The following ZFP82 variants were observed in gnomAD, a reference collection of about 807,000 sequenced individuals.
The protein encoded by ZFP82 is ZFP82 zinc finger protein, also known as zinc finger protein 82 homolog.
A neutral mutation model predicts 54.0 loss-of-function variants in ZFP82; 30 were observed. The ratio of observed to expected loss-of-function variants is 0.56; its 90% CI spans 0.42 to 0.75. The LOEUF (loss-of-function observed/expected upper bound fraction) is 0.75, where lower values mean the gene tolerates loss of function less well. ZFP82 is among the 30% of genes least tolerant of loss of function. The pLI is 0.00. For synonymous variants in ZFP82, 194 were observed against 209.5 expected (o/e 0.93, Z 0.64); for missense variants, 500 against 636.8 (o/e 0.79, Z 2.31).
rs1269367107 is a variant in ZFP82, at chr19:36,390,625, T to C, written c.*2116A>G. The C allele has an allele frequency of 6.6e-6, 1 of 152,202 alleles. No homozygotes were observed. The highest frequency in any genetic ancestry group is 1.9e-4 in the East Asian group (1 of 5,192). The allele number at this position is 152,202 out of a possible 1,614,324, so 9.4% of individuals were successfully genotyped here. A position where few individuals can be genotyped will look rare whatever the true frequency, so the allele number is the denominator to read the frequency against. Reference sequence around the variant, plus strand: ...AATATAGATTAGTGTCCTGTCATTCTGCTCCATGCATTATAAGCTTCCTAT... The same window carrying C: ...AATATAGATTAGTGTCCTGTCATTCCGCTCCATGCATTATAAGCTTCCTAT... On this transcript the variant is annotated 3_prime_UTR_variant, in exon 5 of 5. Transcript: ENST00000392161.
intron 4 of ZFP82, among the ~76,000 whole-genome samples, chr19:36,403,375 G>A (rs1316731042): frequency 1.7e-5 from 1 of 57,272 alleles, no homozygotes; most frequent in East Asian, 4.3e-4. Flanking sequence ...TGTAATCCCA[G>A]CACCTTGGGA....
downstream of ZFP82, chr19:36,384,009 A>T (rs1396438168): frequency 6.6e-6 from 1 of 152,202 alleles, no homozygotes; most frequent in Non-Finnish European, 1.5e-5. Context: ...TAAGGAAAAC[A>T]TATTTCACTG....
At chr19:36,385,777 A>G (rs1010649705), downstream of ZFP82, among the ~76,000 whole-genome samples, 17 of 152,222 alleles carry the variant, frequency 1.1e-4, no homozygotes, top group Admixed American at 1.3e-4. Flanking sequence ...ATTTGTGTCC[A>G]TGCCTTGGGC....
At chr19:36,404,589 T>TA (rs2032448323) in intron 4 of ZFP82, among the ~76,000 whole-genome samples, 1 of 152,348 alleles carries the variant, frequency 6.6e-6, no homozygotes, top group Non-Finnish European at 1.5e-5. Context: ...ATTTAAATGT[T>TA]AAATCTCTAC....
At chr19:36,412,300 A>G (rs2032595170) in intron 1 of ZFP82, among the ~76,000 whole-genome samples, 1 of 152,224 alleles carries the variant, frequency 6.6e-6, no homozygotes, top group African/African-American at 2.4e-5. Flanking sequence ...CATTTATTTC[A>G]TAATTCTACA....
chr19:36,390,924 A>T lies in ZFP82; in HGVS notation c.*1817T>A, dbSNP rs1416400862. The T allele has an allele frequency of 6.6e-6, 1 of 152,076 alleles. No homozygotes were observed. Among genetic ancestry groups the T allele is most frequent in the Non-Finnish European group, 1.5e-5 (1 of 68,206 alleles). The allele number at this position is 152,076 out of a possible 1,614,324, so 9.4% of individuals were successfully genotyped here. A position where few individuals can be genotyped will look rare whatever the true frequency, so the allele number is the denominator to read the frequency against. ...GCTGGGACTACAGGCGCCTGCCACCACGCCCGGCGAATTTTTTGTATTTTT... is the reference window on the plus strand; with the variant it reads ...GCTGGGACTACAGGCGCCTGCCACCTCGCCCGGCGAATTTTTTGTATTTTT... On this transcript the variant is annotated 3_prime_UTR_variant, in exon 5 of 5. Transcript: ENST00000392161.
At chr19:36,386,755 G>A (rs556061783), downstream of ZFP82, among the ~76,000 whole-genome samples, 6 of 152,276 alleles carry the variant, frequency 3.9e-5, no homozygotes, top group African/African-American at 1.4e-4. Context: ...TGGCCAACAT[G>A]GTGAAACCCC....
Position 36,393,621 on chromosome 19 carries a change from T to A in ZFP82, c.719A>T (p.Asp240Val). The A allele has an allele frequency of 6.2e-7, 1 of 1,613,960 alleles. No homozygotes were observed. The highest frequency in any genetic ancestry group is 8.5e-7 in the Non-Finnish European group (1 of 1,179,992). The stretch of plus-strand genomic sequence containing the variant: ...ATGCATTTTCTGATGTACTCTAAGA[T>A]CTGCACCACATATGAAAGCTTCCCC... ...ECGEAFICGA[D>V]LRVHQKMHIG... is the part of the protein sequence containing the mutation. Residue 240 changes from aspartate to valine, a missense_variant, in exon 5 of 5, where the codon GAT (aspartate) becomes GTT (valine). Asp to Val is a radical substitution (Grantham distance 152). Coordinates refer to ENST00000392161, the MANE Select transcript of ZFP82 (RefSeq NM_133466.4).
chr19:36,405,489 G>C (rs2032464954), intron 4 of ZFP82, 91 bp downstream of exon 4: 1 of 922,720 alleles, frequency 1.1e-6, no homozygotes, highest in East Asian at 2.5e-5. Context: ...CCTTTCAAGA[G>C]GGCTTTCTAA....
In ZFP82 at chr19:36,392,015, T is replaced by C; in HGVS notation, c.*726A>G. Reference sequence around the variant, plus strand: ...CTCATGTTTTTGTGGGTCAGAAATTTGGGCCAGGGGCTCAGCTGGTCAATT... The same window carrying C: ...CTCATGTTTTTGTGGGTCAGAAATTCGGGCCAGGGGCTCAGCTGGTCAATT... On this transcript the variant is annotated 3_prime_UTR_variant, in exon 5 of 5. Coordinates refer to ENST00000392161, the MANE Select transcript of ZFP82 (RefSeq NM_133466.4). 2 of 79,844 alleles carry C rather than the reference T, an allele frequency of 2.5e-5. No homozygotes were observed. The allele number at this position is 79,844 out of a possible 1,614,324, so 4.9% of individuals were successfully genotyped here. A position where few individuals can be genotyped will look rare whatever the true frequency, so the allele number is the denominator to read the frequency against.
chr19:36,406,392 C>T (rs2145593154), intron 3 of ZFP82, among the ~76,000 whole-genome samples: 1 of 152,324 alleles, frequency 6.6e-6, no homozygotes, highest in East Asian at 1.9e-4. Context: ...TGGTCACTGG[C>T]AGTCAATCCT....
At position 36,390,275 on chromosome 19, in the gene ZFP82, T is replaced by C. The variant is rs996965691; in HGVS notation, c.*2466A>G. 2.0e-5 allele frequency: 3 copies of C among 151,948 alleles called. No individual in the cohort carries two copies. Among genetic ancestry groups the C allele is most frequent in the African/African-American group, 7.3e-5 (3 of 41,374 alleles). The allele number at this position is 151,948 out of a possible 1,614,324, so 9.4% of individuals were successfully genotyped here. A position where few individuals can be genotyped will look rare whatever the true frequency, so the allele number is the denominator to read the frequency against. On this transcript the variant is annotated 3_prime_UTR_variant, in exon 5 of 5. Coordinates refer to ENST00000392161, the MANE Select transcript of ZFP82 (RefSeq NM_133466.4). ...AAGGATCCTAAAATGCTCCATACAC[T>C]GTATTTGAAGGATACGTTTCTTAGT...
chr19:36,396,491 G>GAC (rs1228826504), intron 4 of ZFP82, among the ~76,000 whole-genome samples: 1 of 151,872 alleles, frequency 6.6e-6, no homozygotes, highest in East Asian at 1.9e-4. Context: ...ACTAAAAATA[G>GAC]ACACACACAC....
At chr19:36,416,756 C>CAAAAAAAAAAAAAAA in intron 1 of ZFP82, among the ~76,000 whole-genome samples, 1 of 68,876 alleles carries the variant, frequency 1.5e-5, no homozygotes. Flanking sequence ...AACTCCGTCT[C>CAAAAAAAAAAAAAAA]AAAAAAAAAA....
chr19:36,407,442 G>T (rs2032504195), intron 3 of ZFP82, among the ~76,000 whole-genome samples: 1 of 152,198 alleles, frequency 6.6e-6, no homozygotes, highest in South Asian at 2.1e-4. Context: ...TGAAGGGAAT[G>T]AGTTCTCTTG....
At chr19:36,386,446 C>T (rs549947640), downstream of ZFP82, among the ~76,000 whole-genome samples, 73 of 152,346 alleles carry the variant, frequency 4.8e-4, no homozygotes, top group African/African-American at 1.7e-3. Context: ...CCCACTAGGA[C>T]AGTGCCTAAT....
chr19:36,391,154 G>A lies in ZFP82; in HGVS notation c.*1587C>T, dbSNP rs368878311. 3 of 152,146 alleles carry A rather than the reference G, an allele frequency of 2.0e-5. No individual in the cohort carries two copies. The highest frequency in any genetic ancestry group is 4.2e-4 in the South Asian group (2 of 4,814). 9.4% of individuals were successfully genotyped at this position (152,146 alleles called of 1,614,324 possible). On this transcript the variant is annotated 3_prime_UTR_variant, in exon 5 of 5. Coordinates refer to ENST00000392161, the MANE Select transcript of ZFP82 (RefSeq NM_133466.4). The stretch of plus-strand genomic sequence containing the variant: ...GTTGTCTTGAAATATAGTTTGTAAA[G>A]GATAGGCAAGGTAAATATTCCATTC...
chr19:36,413,710 C>A (rs73608364), intron 1 of ZFP82, among the ~76,000 whole-genome samples: 5,919 of 151,990 alleles, frequency 0.039, 358 homozygotes, highest in African/African-American at 0.13. Flanking sequence ...AGAATTTGGA[C>A]GCATTAATTT....
In ZFP82 at chr19:36,400,605, A is replaced by C. The variant is rs573199857; in HGVS notation, c.229+4975T>G. Among the ~76,000 whole-genome samples, 3 of 152,298 alleles carry C rather than the reference A, an allele frequency of 2.0e-5. No individual in the cohort carries two copies. In the East Asian group the frequency reaches 5.8e-4, roughly 29 times the overall value. On this transcript the variant is annotated intron_variant, in intron 4 of 4. Coordinates refer to ENST00000392161, the MANE Select transcript of ZFP82 (RefSeq NM_133466.4). ...CATCCTGAGCAACCTACCTGCACAC[A>C]TAACTACACTGTTTTTCCCTTTTAT... is the stretch of plus-strand genomic sequence containing the variant.
Sources: allele counts gnomAD v4.1 joint callset (sites outside exome capture counted in the v4.1 genomes callset), GRCh38; gene constraint gnomAD v4.1.1; transcripts MANE v1.5; gene names NCBI Gene and HGNC (gene_info 2026-07-23, HGNC 2026-07-21).